Variants in DNAJC3 observed in about 807,000 individuals in gnomAD.
DNAJC3 encodes DnaJ heat shock protein family (Hsp40) member C3.
DNAJC3 carries 38 observed loss-of-function variants against 68.6 expected under a neutral mutation model. The ratio of observed to expected loss-of-function variants is 0.55; its 90% CI spans 0.43 to 0.73. DNAJC3 has a LOEUF of 0.73. Ranked by LOEUF, DNAJC3 falls within the 30% of genes least tolerant of loss-of-function variation. The pLI, the probability that DNAJC3 is intolerant of heterozygous loss-of-function variation, is 0.00. For missense variants in DNAJC3, 526 were observed against 591.9 expected (o/e 0.89, Z 1.16); for synonymous variants, 203 against 204.0 (o/e 1.00, Z 0.04).
intron 1 of DNAJC3, among the ~76,000 whole-genome samples, chr13:95,691,138 A>G (rs1445644873): frequency 7.1e-4 from 70 of 98,460 alleles, no homozygotes; most frequent in East Asian, 1.7e-3. Context: ...CTGGCCGGGC[A>G]GGGGGCTGAC....
intron 9 of DNAJC3, among the ~76,000 whole-genome samples, chr13:95,767,373 G>T (rs1046734547): frequency 3.3e-5 from 5 of 152,136 alleles, no homozygotes; most frequent in Admixed American, 1.3e-4. Flanking sequence ...TTTTAAGGCT[G>T]AATAGTATTC....
chr13:95,745,449 C>T (rs1882273602), intron 4 of DNAJC3: 1 of 152,218 alleles, frequency 6.6e-6, no homozygotes, highest in Non-Finnish European at 1.5e-5. Context: ...GAACTTTTGC[C>T]AGCAGTCCCT....
At position 95,794,781 on chromosome 13, in the gene DNAJC3, T is replaced by C. The variant is rs1020345769; in HGVS notation, c.*3751T>C. The C allele has an allele frequency of 6.6e-6, 1 of 152,196 alleles. No individual in the cohort carries two copies. The highest frequency in any genetic ancestry group is 1.9e-4 in the East Asian group (1 of 5,188). 9.4% of individuals were successfully genotyped at this position (152,196 alleles called of 1,614,324 possible). A position where few individuals can be genotyped will look rare whatever the true frequency, so the allele number is the denominator to read the frequency against. On this transcript the variant is annotated 3_prime_UTR_variant, in exon 12 of 12. Transcript: ENST00000602402. The stretch of plus-strand genomic sequence containing the variant: ...GCAAGGAGGAGGTAAACATTGGAGA[T>C]GTTTGTGAAAATATTACTCTTGCTG...
intron 9 of DNAJC3, among the ~76,000 whole-genome samples, chr13:95,781,291 C>T (rs1268461806): frequency 6.6e-6 from 1 of 152,044 alleles, no homozygotes; most frequent in Admixed American, 6.6e-5. Context: ...CAGAGCCTGC[C>T]CAGCCATCCC....
At chr13:95,768,976 C>A (rs1033813495) in intron 9 of DNAJC3, among the ~76,000 whole-genome samples, 2 of 138,618 alleles carry the variant, frequency 1.4e-5, no homozygotes, top group Non-Finnish European at 3.2e-5. Context: ...ACTCAGTCTC[C>A]AAAAAATTAT....
chr13:95,757,649 A>G lies in DNAJC3; in HGVS notation c.399A>G (p.Lys133=). 1 of 1,563,814 alleles carries G rather than the reference A, an allele frequency of 6.4e-7. No homozygotes were observed. Among genetic ancestry groups the G allele is most frequent in the Non-Finnish European group, 8.8e-7 (1 of 1,142,516 alleles). ...GTTTTTTATTTTCCTTATAGCTCAA[A>G]TCTAATCCAAGTGAAAATGAAGAAA... The part of the protein sequence containing the change: ...EAEDDFKKVL[K]SNPSENEEKE... Residue 133 remains lysine (K), a synonymous_variant, in exon 5 of 12, where the codon AAA becomes AAG. Transcript: ENST00000602402.
Position 95,709,357 on chromosome 13 carries a change from ATCAC to A in DNAJC3, c.193+24_193+27del. On this transcript the variant is annotated intron_variant, in intron 2 of 11. Transcript: ENST00000602402. ...CCGTAGGTTTGTATCATGGAACCAA[ATCAC>A]TCAGTGTCTGTCTTAGTGAATTCTA... The A allele has an allele frequency of 6.4e-7, 1 of 1,555,552 alleles. No homozygotes were observed. The highest frequency in any genetic ancestry group is 8.7e-7 in the Non-Finnish European group (1 of 1,145,620).
At chr13:95,679,161 C>T (rs1228705487) in intron 1 of DNAJC3, among the ~76,000 whole-genome samples, 1 of 147,034 alleles carries the variant, frequency 6.8e-6, no homozygotes, top group Admixed American at 6.8e-5. Context: ...TGAGTCCAAG[C>T]ACTTTTAAGT....
At chr13:95,701,195 T>C (rs1880578395) in intron 1 of DNAJC3, among the ~76,000 whole-genome samples, 1 of 152,218 alleles carries the variant, frequency 6.6e-6, no homozygotes, top group Non-Finnish European at 1.5e-5. Flanking sequence ...CATTGTCCCA[T>C]GCAGTGGTGT....
intron 2 of DNAJC3, among the ~76,000 whole-genome samples, chr13:95,716,743 C>A (rs1479545679): frequency 6.6e-6 from 1 of 152,210 alleles, no homozygotes; most frequent in African/African-American, 2.4e-5. Flanking sequence ...CGCTGCTCTG[C>A]CAGTGTCTGC....
chr13:95,739,903 T>G (rs1000539411), intron 4 of DNAJC3, among the ~76,000 whole-genome samples: 1 of 152,230 alleles, frequency 6.6e-6, no homozygotes, highest in African/African-American at 2.4e-5. Context: ...TTTTAGAGTT[T>G]CCAGTTTTTC....
chr13:95,705,894 G>T (rs1243523247), intron 1 of DNAJC3, among the ~76,000 whole-genome samples: 1 of 152,092 alleles, frequency 6.6e-6, no homozygotes, highest in African/African-American at 2.4e-5. Context: ...CCCTCTCATG[G>T]ACATAAGTGG....
rs1883880621 is a variant in DNAJC3 at position 95,793,974 on chromosome 13, T to TTTAA, written c.*2947_*2950dup. On this transcript the variant is annotated 3_prime_UTR_variant, in exon 12 of 12. Transcript: ENST00000602402. ...AAAGGTTCCAAAACGGGAGACAAAA[T>TTTAA]TTAATTCATTCCTCAGTTCTGAAAG... 4 of 152,162 alleles carry TTTAA rather than the reference T, an allele frequency of 2.6e-5. No homozygotes were observed. Among genetic ancestry groups the TTTAA allele is most frequent in the Admixed American group, 2.6e-4 (4 of 15,268 alleles). 9.4% of individuals were successfully genotyped at this position (152,162 alleles called of 1,614,324 possible).
intron 4 of DNAJC3, among the ~76,000 whole-genome samples, chr13:95,736,610 T>G (rs573310761): frequency 5.9e-4 from 90 of 151,980 alleles, no homozygotes; most frequent in Non-Finnish European, 9.3e-4. Flanking sequence ...CACTCATGAT[T>G]TGGCTCTGTT....
intron 6 of DNAJC3, 136 bp downstream of exon 6, chr13:95,760,357 A>G (rs1049237331): frequency 2.3e-5 from 20 of 851,130 alleles, no homozygotes; most frequent in Non-Finnish European, 3.1e-5. Context: ...ATATCCATTT[A>G]TATATTTTGT....
intron 2 of DNAJC3, among the ~76,000 whole-genome samples, chr13:95,711,984 A>C (rs1305674266): frequency 6.6e-6 from 1 of 152,232 alleles, no homozygotes; most frequent in African/African-American, 2.4e-5. Flanking sequence ...TCTAAAGTTT[A>C]AAGAAGTCCA....
rs1013892321 is a variant in DNAJC3 at position 95,771,252 on chromosome 13, G to A, written c.1075+7299G>A. 3.9e-5 allele frequency among the ~76,000 whole-genome samples: 6 copies of A among 152,136 alleles called. No homozygotes were observed. In the East Asian group the frequency reaches 1.2e-3, roughly 29 times the overall value. ...TACGGTAAAATGCACAAGTCTTAGG[G>A]ATACCATTCCTAAGGTCTGATACCC... On this transcript the variant is annotated intron_variant, in intron 9 of 11. Coordinates refer to ENST00000602402, the MANE Select transcript of DNAJC3 (RefSeq NM_006260.5).
chr13:95,691,425 G>A (rs1490704635), intron 1 of DNAJC3, among the ~76,000 whole-genome samples: 1 of 151,622 alleles, frequency 6.6e-6, no homozygotes, highest in Non-Finnish European at 1.5e-5. Flanking sequence ...CGGGGCGGCA[G>A]GGCAGAGGTG....
chr13:95,682,471 C>A (rs1022963205), intron 1 of DNAJC3, among the ~76,000 whole-genome samples: 1 of 152,052 alleles, frequency 6.6e-6, no homozygotes, highest in Non-Finnish European at 1.5e-5. Context: ...TTTAACCCCC[C>A]ACCTTTAAGT....
Sources: gnomAD v4.1 joint callset for allele counts (sites outside exome capture counted in the v4.1 genomes callset) on GRCh38, gnomAD v4.1.1 for gene constraint, MANE v1.5 for transcripts, NCBI Gene and HGNC (gene_info 2026-07-23, HGNC 2026-07-21) for gene names.